USP34: variants seen among roughly 807,000 people sequenced by gnomAD.
USP34 encodes ubiquitin specific peptidase 34.
Under a neutral mutation model 460.3 loss-of-function variants are expected in USP34, and 70 were observed. That is an observed-to-expected ratio of 0.15 (90% confidence interval 0.13 to 0.19). The LOEUF is 0.19. Ranked by LOEUF, USP34 falls within the 10% of genes least tolerant of loss-of-function variation. USP34 has a pLI of 1.00. For synonymous variants in USP34, 1,647 were observed against 1,405.3 expected, an observed-to-expected ratio of 1.17 and a Z score of -3.85; for missense variants, 3,985 against 4,236.2, an observed-to-expected ratio of 0.94 and a Z score of 1.65.
At chr2:61,268,447 A>T (rs1053631837) in intron 41 of USP34, among the ~76,000 whole-genome samples, 1 of 147,336 alleles carries the variant, frequency 6.8e-6, no homozygotes, top group African/African-American at 2.5e-5. Flanking sequence ...TTAAAAAAAA[A>T]AAAAAAAAAA....
intron 29 of USP34, among the ~76,000 whole-genome samples, chr2:61,300,091 C>T (rs966443254): frequency 1.3e-5 from 2 of 152,118 alleles, no homozygotes; most frequent in Non-Finnish European, 2.9e-5. Context: ...TTCCTGGACT[C>T]GTATATCAAA....
At chr2:61,390,636 C>T (rs942883983) in intron 5 of USP34, among the ~76,000 whole-genome samples, 1 of 152,190 alleles carries the variant, frequency 6.6e-6, no homozygotes, top group Admixed American at 6.5e-5. Flanking sequence ...TAAGAATCTG[C>T]TAAAGTTTTT....
chr2:61,218,979 C>T (rs1381700193), intron 67 of USP34, among the ~76,000 whole-genome samples: 2 of 152,178 alleles, frequency 1.3e-5, no homozygotes, highest in Non-Finnish European at 1.5e-5. Flanking sequence ...TAAGCTCATA[C>T]TCAATGAGTG....
intron 1 of USP34, among the ~76,000 whole-genome samples, chr2:61,447,869 C>T (rs1040208941): frequency 2.0e-5 from 3 of 152,122 alleles, no homozygotes; most frequent in African/African-American, 7.2e-5. Context: ...GTGCGCGCCA[C>T]CACACCAAAC....
chr2:61,386,754 C>T (rs1452177096), intron 5 of USP34, among the ~76,000 whole-genome samples: 1 of 152,130 alleles, frequency 6.6e-6, no homozygotes, highest in Non-Finnish European at 1.5e-5. Context: ...CAAGCCACTG[C>T]ACTCCAGCCT....
intron 5 of USP34, among the ~76,000 whole-genome samples, chr2:61,385,508 A>T (rs1202582298): frequency 6.6e-6 from 1 of 151,172 alleles, no homozygotes; most frequent in Non-Finnish European, 1.5e-5. Flanking sequence ...CATCTCTACT[A>T]AAAATACAAA....
At chr2:61,402,983 G>T (rs1419016695) in intron 3 of USP34, among the ~76,000 whole-genome samples, 1 of 152,034 alleles carries the variant, frequency 6.6e-6, no homozygotes, top group South Asian at 2.1e-4. Context: ...AGAAATTTTA[G>T]AGCACTTGTA....
At chr2:61,357,425 AG>A (rs1208271802) in intron 10 of USP34, among the ~76,000 whole-genome samples, 1 of 152,240 alleles carries the variant, frequency 6.6e-6, no homozygotes, top group African/African-American at 2.4e-5. Flanking sequence ...CAATGTTCAG[AG>A]GAAAATTTTA....
intron 51 of USP34, among the ~76,000 whole-genome samples, chr2:61,242,967 T>C (rs1688313179): frequency 1.3e-5 from 2 of 151,952 alleles, no homozygotes; most frequent in Non-Finnish European, 1.5e-5. Flanking sequence ...CTCAGCCTCC[T>C]GAATAGCTGG....
intron 44 of USP34, among the ~76,000 whole-genome samples, chr2:61,258,580 G>A (rs1332730526): frequency 6.6e-6 from 1 of 152,022 alleles, no homozygotes; most frequent in African/African-American, 2.4e-5. Flanking sequence ...AAACCCACAA[G>A]CAATGAAGCA....
intron 20 of USP34, among the ~76,000 whole-genome samples, chr2:61,329,310 G>C (rs773535747): frequency 5.9e-5 from 9 of 152,222 alleles, no homozygotes; most frequent in Middle Eastern, 3.4e-3. Context: ...ACAGCCATGA[G>C]CCACCATGCC....
chr2:61,424,531 T>C (rs1273734379), intron 1 of USP34, among the ~76,000 whole-genome samples: 4 of 152,140 alleles, frequency 2.6e-5, no homozygotes, highest in Non-Finnish European at 4.4e-5. Flanking sequence ...TTGTAGAGAT[T>C]TGTTGCACGA....
intron 2 of USP34, among the ~76,000 whole-genome samples, chr2:61,409,269 G>T (rs539547479): frequency 2.6e-5 from 4 of 151,966 alleles, no homozygotes; most frequent in Non-Finnish European, 5.9e-5. Context: ...AGGTCAGGCC[G>T]GGTGTGGTGG....
Position 61,343,994 on chromosome 2 carries a change from A to C in USP34, c.2321T>G (p.Val774Gly), listed in dbSNP as rs776342855. The stretch of plus-strand genomic sequence containing the variant: ...ACTAACCTGGGAGCTACTACAACTG[A>C]CATCATCTGCACTTAGCATATCATC... ...MVDDMLSADDVSCSSSQVSAK... is the reference protein window; with the variant it reads ...MVDDMLSADDGSCSSSQVSAK... The change falls in exon 16 of 80, where the codon GTC becomes GGC. Residue 774 changes from valine to glycine, a missense_variant. By Grantham distance (109) the Val-to-Gly change is moderately radical. Around this residue, in one of 14 missense-constraint regions of USP34, gnomAD observed 716 missense variants for 626.2 expected, o/e 1.14. Transcript: ENST00000398571. 4 of 1,613,774 alleles carry C rather than the reference A, an allele frequency of 2.5e-6. No homozygotes were observed. The highest frequency in any genetic ancestry group is 3.4e-6 in the Non-Finnish European group (4 of 1,179,914).
chr2:61,363,414 T>C (rs1477191789), intron 10 of USP34, among the ~76,000 whole-genome samples: 1 of 152,174 alleles, frequency 6.6e-6, no homozygotes, highest in Non-Finnish European at 1.5e-5. Context: ...TGCCCTCTTG[T>C]GAACATCAGA....
rs1689497503 is a variant in USP34, at chr2:61,280,361, T to A, written c.5152-13A>T. 2 of 1,325,676 alleles carry A rather than the reference T, an allele frequency of 1.5e-6. No individual in the cohort carries two copies. The highest frequency in any genetic ancestry group is 1.7e-5 in the South Asian group (1 of 59,538). 82.1% of individuals were successfully genotyped at this position (1,325,676 alleles called of 1,614,324 possible). A position where few individuals can be genotyped will look rare whatever the true frequency, so the allele number is the denominator to read the frequency against. On this transcript the variant is annotated splice_polypyrimidine_tract_variant and intron_variant, in intron 38 of 79. Transcript: ENST00000398571. ...CATAATCATCTATCTATTAAAAAAA[T>A]TTTATACTTTGTGAAAACATTTTAA...
chr2:61,321,359 T>C lies in USP34; in HGVS notation c.3014-2032A>G, dbSNP rs564956769. On this transcript the variant is annotated intron_variant, in intron 21 of 79. Transcript: ENST00000398571. ...GGTGGCACATGCCTGTAGTCCCAGC[T>C]GCTCGGGAGGCTGAGGCAAGAGAAT... is the stretch of plus-strand genomic sequence containing the variant. Among the ~76,000 whole-genome samples the C allele has an allele frequency of 4.6e-5, 7 of 152,184 alleles. 1 individual carries two copies. The South Asian group carries it at 1.2e-3, about 27-fold the overall frequency.
intron 58 of USP34, among the ~76,000 whole-genome samples, chr2:61,230,415 A>G (rs1300090254): frequency 6.6e-6 from 1 of 152,112 alleles, no homozygotes; most frequent in East Asian, 1.9e-4. Context: ...AATCTCAGCT[A>G]AGGAAGCTGA....
rs1694443536 is a variant in USP34, at chr2:61,424,204, T to C, written c.44-3371A>G. Among the ~76,000 whole-genome samples, 8 of 152,276 alleles carry C rather than the reference T, an allele frequency of 5.3e-5. No individual in the cohort carries two copies. In the South Asian group the frequency reaches 1.4e-3, roughly 28 times the overall value. On this transcript the variant is annotated intron_variant, in intron 1 of 79. Coordinates refer to ENST00000398571, the MANE Select transcript of USP34 (RefSeq NM_014709.4). ...GCTCTCTTGGACCTCTACTATACGGTGTATAAATATCCCATTGCTCCTAGG... is the reference window on the plus strand; with the variant it reads ...GCTCTCTTGGACCTCTACTATACGGCGTATAAATATCCCATTGCTCCTAGG...
Sources: gnomAD v4.1 joint callset for allele counts (sites outside exome capture counted in the v4.1 genomes callset) on GRCh38, gnomAD v4.1.1 for gene constraint, gnomAD v4.1.1 regional missense constraint, MANE v1.5 for transcripts, NCBI Gene and HGNC (gene_info 2026-07-23, HGNC 2026-07-21) for gene names.